Variants in EPHA7 observed in about 807,000 individuals in gnomAD.
The protein encoded by EPHA7 is ephrin type-A receptor 7.
EPHA7 carries 25 observed loss-of-function variants against 112.6 expected under a neutral mutation model. That is an observed-to-expected ratio of 0.22 (90% CI 0.16 to 0.31). The LOEUF is 0.31. EPHA7 is among the 10% of genes least tolerant of loss of function. EPHA7 has a pLI of 1.00. For synonymous variants in EPHA7, 437 were observed against 406.5 expected, an observed-to-expected ratio of 1.07 and a Z score of -0.90; for missense variants, 962 against 1,212.6, an observed-to-expected ratio of 0.79 and a Z score of 3.07.
chr6:93,305,540 A>G (rs1307444879), intron 5 of EPHA7, among the ~76,000 whole-genome samples: 1 of 151,986 alleles, frequency 6.6e-6, no homozygotes, highest in Admixed American at 6.6e-5. Context: ...TAACCAAAGA[A>G]GCAAAATACA....
At chr6:93,244,051 AG>A (rs1442109198) in intron 16 of EPHA7, among the ~76,000 whole-genome samples, 3 of 152,130 alleles carry the variant, frequency 2.0e-5, no homozygotes, top group Non-Finnish European at 4.4e-5. Context: ...TACTTATTTC[AG>A]TGAGTTCAAT....
chr6:93,284,252 T>A (rs1771939884), intron 5 of EPHA7, among the ~76,000 whole-genome samples: 1 of 152,200 alleles, frequency 6.6e-6, no homozygotes, highest in African/African-American at 2.4e-5. Context: ...ATAAATTGAC[T>A]TTCTTAAACA....
chr6:93,268,979 A>T (rs2127876482), intron 7 of EPHA7, among the ~76,000 whole-genome samples: 1 of 151,918 alleles, frequency 6.6e-6, no homozygotes, highest in South Asian at 2.1e-4. Context: ...AAATAAAAAC[A>T]AGTTCTAAGA....
At chr6:93,362,415 A>T (rs565393279) in intron 3 of EPHA7, among the ~76,000 whole-genome samples, 1 of 152,222 alleles carries the variant, frequency 6.6e-6, no homozygotes, top group South Asian at 2.1e-4. Context: ...AGTTGATTTA[A>T]ATAATATTTT....
At chr6:93,390,918 C>T (rs913056690) in intron 3 of EPHA7, among the ~76,000 whole-genome samples, 2 of 151,744 alleles carry the variant, frequency 1.3e-5, no homozygotes, top group Non-Finnish European at 2.9e-5. Context: ...GTTTTAATTC[C>T]AAACATTTTT....
At chr6:93,327,112 T>C (rs989627860) in intron 5 of EPHA7, among the ~76,000 whole-genome samples, 1 of 151,546 alleles carries the variant, frequency 6.6e-6, no homozygotes, top group Non-Finnish European at 1.5e-5. Flanking sequence ...TATAAATCAG[T>C]GCAGTCTAAG....
At chr6:93,331,015 G>A (rs1430721983) in intron 5 of EPHA7, among the ~76,000 whole-genome samples, 3 of 151,214 alleles carry the variant, frequency 2.0e-5, no homozygotes, top group Non-Finnish European at 4.4e-5. Flanking sequence ...TTAGATGATC[G>A]GTCTGTTTAG....
chr6:93,281,874 G>A (rs1254375722), intron 5 of EPHA7, among the ~76,000 whole-genome samples: 1 of 151,828 alleles, frequency 6.6e-6, no homozygotes, highest in East Asian at 1.9e-4. Flanking sequence ...TAAATTTGAT[G>A]TACAATAACT....
intron 5 of EPHA7, among the ~76,000 whole-genome samples, chr6:93,298,918 A>G (rs781672989): frequency 1.3e-5 from 2 of 152,170 alleles, no homozygotes; most frequent in Non-Finnish European, 2.9e-5. Flanking sequence ...TTAGTGGAAT[A>G]TCCAGCATTC....
At chr6:93,407,318 C>A (rs950819151) in intron 3 of EPHA7, among the ~76,000 whole-genome samples, 6 of 151,936 alleles carry the variant, frequency 3.9e-5, no homozygotes, top group Non-Finnish European at 7.4e-5. Context: ...TAGTTTTCCT[C>A]AATATAGGAC....
intron 5 of EPHA7, among the ~76,000 whole-genome samples, chr6:93,315,009 C>T (rs1161181390): frequency 6.7e-6 from 1 of 148,960 alleles, no homozygotes; most frequent in Non-Finnish European, 1.5e-5. Context: ...ACTACAGGCG[C>T]CCGCCACCAC....
intron 1 of EPHA7, among the ~76,000 whole-genome samples, chr6:93,415,334 T>C (rs1217882329): frequency 6.6e-6 from 1 of 152,020 alleles, no homozygotes; most frequent in African/African-American, 2.4e-5. Flanking sequence ...TTGCCTATTA[T>C]TTGCAAGATT....
chr6:93,408,932 T>C (rs545836150), intron 3 of EPHA7, among the ~76,000 whole-genome samples: 33 of 152,230 alleles, frequency 2.2e-4, no homozygotes, highest in African/African-American at 7.7e-4. Context: ...TATTTCCACA[T>C]GTAATCAACA....
chr6:93,291,723 C>G (rs983349303), intron 5 of EPHA7, among the ~76,000 whole-genome samples: 203 of 132,096 alleles, frequency 1.5e-3, no homozygotes, highest in African/African-American at 4.9e-3. Flanking sequence ...AGCCGAGATC[C>G]CGCCACTGCA....
chr6:93,396,920 G>T (rs1020891963), intron 3 of EPHA7, among the ~76,000 whole-genome samples: 1 of 151,452 alleles, frequency 6.6e-6, no homozygotes, highest in Non-Finnish European at 1.5e-5. Flanking sequence ...AAAAATATAT[G>T]ATAATATATT....
intron 3 of EPHA7, among the ~76,000 whole-genome samples, chr6:93,399,362 T>G (rs966228554): frequency 6.6e-6 from 1 of 152,138 alleles, no homozygotes. Flanking sequence ...AAAACCTAAA[T>G]ATCTACTTGA....
chr6:93,405,809 GTGTGTATATA>G lies in EPHA7; in HGVS notation c.832+4682_832+4691del, dbSNP rs1479373066. On this transcript the variant is annotated intron_variant, in intron 3 of 16. Coordinates refer to ENST00000369303, the MANE Select transcript of EPHA7 (RefSeq NM_004440.4). ...TGTGTGTGTGTGTGTGTGTGTGTGT[GTGTGTATATA>G]TATATATATATATATATATATATAT... Among the ~76,000 whole-genome samples the G allele has an allele frequency of 3.8e-3, 235 of 61,556 alleles. 1 individual carries two copies. The highest frequency in any genetic ancestry group is 0.019 in the African/African-American group (221 of 11,396). The allele number at this position is 61,556 out of a possible 152,430, so 40.4% of individuals were successfully genotyped here. A position where few individuals can be genotyped will look rare whatever the true frequency, so the allele number is the denominator to read the frequency against.
chr6:93,415,606 T>C (rs2127997939), intron 1 of EPHA7, among the ~76,000 whole-genome samples: 1 of 152,158 alleles, frequency 6.6e-6, no homozygotes, highest in East Asian at 1.9e-4. Flanking sequence ...ATTTTATTTC[T>C]TTTTTGGACA....
chr6:93,333,016 T>C (rs1774674257), intron 5 of EPHA7, among the ~76,000 whole-genome samples: 2 of 151,732 alleles, frequency 1.3e-5, no homozygotes, highest in Non-Finnish European at 1.5e-5. Context: ...AGGTATTTTT[T>C]CTGATCCTCT....
Sources: allele counts gnomAD v4.1 joint callset (sites outside exome capture counted in the v4.1 genomes callset), GRCh38; gene constraint gnomAD v4.1.1; transcripts MANE v1.5; gene names NCBI Gene and HGNC (gene_info 2026-07-23, HGNC 2026-07-21).